Variants in DIP2C observed in about 807,000 individuals in gnomAD.
DIP2C encodes the protein disco-interacting protein 2 homolog C.
A neutral mutation model predicts 192.4 loss-of-function variants in DIP2C; 33 were observed. The observed-to-expected ratio is 0.17, with a 90% confidence interval of 0.13 to 0.23. The LOEUF is 0.23. Ranked by LOEUF, DIP2C falls within the 10% of genes least tolerant of loss-of-function variation. The probability of loss-of-function intolerance (pLI) is 1.00; values close to 1 mark genes in which losing one functional copy is unlikely to be tolerated. For synonymous variants in DIP2C, 979 were observed against 864.1 expected, an observed-to-expected ratio of 1.13 and a Z score of -2.33; for missense variants, 1,537 against 2,110.1, an observed-to-expected ratio of 0.73 and a Z score of 5.32.
intron 1 of DIP2C, among the ~76,000 whole-genome samples, chr10:646,104 A>G (rs959277006): frequency 6.6e-6 from 1 of 152,242 alleles, no homozygotes; most frequent in Non-Finnish European, 1.5e-5. Flanking sequence ...GGCCTCCAGG[A>G]AACACTGGCT....
At chr10:590,293 AGCAC>A (rs1851323131) in intron 1 of DIP2C, among the ~76,000 whole-genome samples, 2 of 152,270 alleles carry the variant, frequency 1.3e-5, no homozygotes, top group Admixed American at 1.3e-4. Flanking sequence ...GAAATAGCAC[AGCAC>A]CTTCGAGTCA....
rs149865578 is a variant in DIP2C, at chr10:616,571, C to G, written c.85+72923G>C. Among the ~76,000 whole-genome samples, 1,245 of 152,344 alleles carry G rather than the reference C, an allele frequency of 8.2e-3. 10 individuals are homozygous for G. The highest frequency in any genetic ancestry group is 0.013 in the Admixed American group (195 of 15,308). ...ACCAGGAATCAAGTCTGAGCCCCAA[C>G]AGCCCCTCGCCCAGCCAGGGCTTCC... On this transcript the variant is annotated intron_variant, in intron 1 of 36. Coordinates refer to ENST00000280886, the MANE Select transcript of DIP2C (RefSeq NM_014974.3).
intron 31 of DIP2C, among the ~76,000 whole-genome samples, chr10:316,507 C>T (rs993573884): frequency 3.3e-5 from 5 of 152,210 alleles, no homozygotes; most frequent in East Asian, 1.9e-4. Flanking sequence ...AAGGCAAATA[C>T]GTTACACATG....
intron 3 of DIP2C, among the ~76,000 whole-genome samples, chr10:470,718 CG>C (rs1236922172): frequency 6.6e-6 from 1 of 152,076 alleles, no homozygotes; most frequent in Non-Finnish European, 1.5e-5. Flanking sequence ...GCGACTGACG[CG>C]GATCTCCTGT....
At chr10:509,958 G>C (rs1241569349) in intron 1 of DIP2C, among the ~76,000 whole-genome samples, 2 of 152,208 alleles carry the variant, frequency 1.3e-5, no homozygotes. Flanking sequence ...AGCAAAAGTG[G>C]CACAGGCAAT....
At chr10:544,015 T>C (rs140283124) in intron 1 of DIP2C, among the ~76,000 whole-genome samples, 250 of 152,366 alleles carry the variant, frequency 1.6e-3, no homozygotes, top group African/African-American at 5.7e-3. Context: ...TGCGTGACCT[T>C]TGACGTGACC....
At chr10:587,399 G>C (rs997409591) in intron 1 of DIP2C, among the ~76,000 whole-genome samples, 1 of 152,234 alleles carries the variant, frequency 6.6e-6, no homozygotes, top group African/African-American at 2.4e-5. Flanking sequence ...CACAGGAACA[G>C]CGTCAGCACA....
At chr10:414,742 C>CT (rs1564679999) in intron 7 of DIP2C, among the ~76,000 whole-genome samples, 37 of 112,546 alleles carry the variant, frequency 3.3e-4, no homozygotes, top group Non-Finnish European at 5.0e-4. Flanking sequence ...TGTGTGTGTA[C>CT]ATATATATAT....
At chr10:650,138 C>A in intron 1 of DIP2C, 1 of 717,380 alleles carries the variant, frequency 1.4e-6, no homozygotes, top group South Asian at 1.5e-5. Flanking sequence ...GGACAAGGAC[C>A]CCCCAGGAGA....
intron 14 of DIP2C, among the ~76,000 whole-genome samples, chr10:385,035 C>A (rs1415306513): frequency 6.7e-6 from 1 of 149,320 alleles, no homozygotes; most frequent in African/African-American, 2.5e-5. Flanking sequence ...CCACGGACAC[C>A]AGGCTGCACG....
rs1398029157 is a variant in DIP2C, at chr10:555,185, GTAT to G, written c.86-68658_86-68656del. Among the ~76,000 whole-genome samples the G allele has an allele frequency of 5.9e-5, 8 of 135,086 alleles. No homozygotes were observed. The South Asian group carries it at 8.5e-4, about 14-fold the overall frequency. The allele number at this position is 135,086 out of a possible 152,430, so 88.6% of individuals were successfully genotyped here. The stretch of plus-strand genomic sequence containing the variant: ...CAAAATTTAGTTTATGTTTTCTTCA[GTAT>G]TATTTTTTTTTTTTCCCAAGCCATT... On this transcript the variant is annotated intron_variant, in intron 1 of 36. Coordinates refer to ENST00000280886, the MANE Select transcript of DIP2C (RefSeq NM_014974.3).
At chr10:650,297 G>A (rs10904535) in intron 1 of DIP2C, 591,081 of 716,630 alleles carry the variant, frequency 0.82, 254,429 homozygotes, top group Non-Finnish European at 0.89. Context: ...TCAGGGCCAG[G>A]GACCATGGTG....
At chr10:419,018 C>A in intron 6 of DIP2C, 47 bp downstream of exon 6, 1 of 1,613,158 alleles carries the variant, frequency 6.2e-7, no homozygotes, top group Non-Finnish European at 8.5e-7. Flanking sequence ...GGGACGTCAG[C>A]ACAAACCGTT....
intron 31 of DIP2C, among the ~76,000 whole-genome samples, chr10:314,139 C>T (rs144805238): frequency 1.2e-3 from 181 of 152,304 alleles, no homozygotes; most frequent in African/African-American, 4.1e-3. Context: ...CTTCTTTGTA[C>T]TCCTATTTCC....
At chr10:318,975 C>T (rs1956890565) in intron 31 of DIP2C, among the ~76,000 whole-genome samples, 1 of 151,296 alleles carries the variant, frequency 6.6e-6, no homozygotes, top group Non-Finnish European at 1.5e-5. Context: ...TACAGTGGCA[C>T]GATCTCGGCT....
intron 22 of DIP2C, among the ~76,000 whole-genome samples, chr10:361,576 G>T (rs1959511325): frequency 6.6e-6 from 1 of 152,216 alleles, no homozygotes; most frequent in African/African-American, 2.4e-5. Context: ...GGGACCGTGG[G>T]TCACTGGGGT....
At chr10:348,603 C>T (rs369712214) in intron 26 of DIP2C, 38 bp downstream of exon 26, 6 of 1,603,368 alleles carry the variant, frequency 3.7e-6, no homozygotes, top group African/African-American at 2.7e-5. Flanking sequence ...CACTCAGCTC[C>T]AGGCAGGTGG....
Position 652,935 on chromosome 10 carries a change from T to C in DIP2C, c.85+36559A>G, listed in dbSNP as rs1856037043. Among the ~76,000 whole-genome samples, 1 of 152,004 alleles carries C rather than the reference T, an allele frequency of 6.6e-6. No homozygotes were observed. Among genetic ancestry groups the C allele is most frequent in the African/African-American group, 2.4e-5 (1 of 41,354 alleles). ...CAGCTACCTCGCAGCAGCCACACAC[T>C]GAGCCATAAACCCTCGCAAGACTGT... On this transcript the variant is annotated intron_variant, in intron 1 of 36. Coordinates refer to ENST00000280886, the MANE Select transcript of DIP2C (RefSeq NM_014974.3). This position sits in a 1 kb window ranked among gnomAD's most constrained non-coding sequence, Gnocchi z 4.5.
intron 1 of DIP2C, among the ~76,000 whole-genome samples, chr10:642,783 C>A (rs373677399): frequency 2.0e-5 from 3 of 152,262 alleles, no homozygotes; most frequent in Non-Finnish European, 4.4e-5. Context: ...CGTCTGTACC[C>A]TACAGCAGTG....
Sources: allele counts gnomAD v4.1 joint callset (sites outside exome capture counted in the v4.1 genomes callset), GRCh38; gene constraint gnomAD v4.1.1; non-coding constraint Gnocchi (gnomAD v3.1); transcripts MANE v1.5; gene names NCBI Gene and HGNC (gene_info 2026-07-23, HGNC 2026-07-21).